Variants in GNA15 observed in about 807,000 individuals in gnomAD.
The protein encoded by GNA15 is G protein subunit alpha 15.
Under a neutral mutation model 40.1 loss-of-function variants are expected in GNA15, and 23 were observed. The observed-to-expected ratio is 0.57, with a 90% confidence interval of 0.41 to 0.81. GNA15 has a LOEUF of 0.81. GNA15 is among the 40% of genes least tolerant of loss of function. GNA15 has a pLI of 0.00. For synonymous variants in GNA15, 226 were observed against 210.4 expected (o/e 1.07, Z -0.64); for missense variants, 522 against 515.8 (o/e 1.01, Z -0.12).
chr19:3,136,398 C>A lies in GNA15; in HGVS notation c.-53C>A, dbSNP rs1013651705. ...CCGGCTGGGCTGGGGGTTGCCCTGG[C>A]CAGCAGGGGCCCGGGGGCGATGCCA... On this transcript the variant is annotated 5_prime_UTR_variant, in exon 1 of 7. Transcript: ENST00000262958. This position sits in a 1 kb window ranked among gnomAD's most constrained non-coding sequence, Gnocchi z 4.9. 2.6e-6 allele frequency: 4 copies of A among 1,528,280 alleles called. No individual in the cohort carries two copies. The highest frequency in any genetic ancestry group is 3.5e-6 in the Non-Finnish European group (4 of 1,135,676). 94.7% of individuals were successfully genotyped at this position (1,528,280 alleles called of 1,614,324 possible).
chr19:3,159,950 G>A (rs918575839), intron 6 of GNA15, among the ~76,000 whole-genome samples: 3 of 152,140 alleles, frequency 2.0e-5, no homozygotes, highest in African/African-American at 7.2e-5. Flanking sequence ...ACCAACGTGG[G>A]GAAGGTACAT....
intron 1 of GNA15, among the ~76,000 whole-genome samples, chr19:3,140,064 T>TATCTATCTATC (rs1914546061): frequency 6.6e-6 from 1 of 151,478 alleles, no homozygotes; most frequent in African/African-American, 2.4e-5. Flanking sequence ...TCTATCTATC[T>TATCTATCTATC]ATCTATCTAT....
Position 3,162,968 on chromosome 19 carries a change from C to T in GNA15, c.1074C>T (p.Asp358=), listed in dbSNP as rs376487634. ...AGAACATCCGCAAGGTCTTCAAGGACGTGCGGGACTCGGTGCTCGCCCGCT... is the reference window on the plus strand; with the variant it reads ...AGAACATCCGCAAGGTCTTCAAGGATGTGCGGGACTCGGTGCTCGCCCGCT... The part of the protein sequence containing the change: ...DTQNIRKVFK[D]VRDSVLARYL... Residue 358 remains aspartate, a synonymous_variant, in exon 7 of 7, where the codon GAC becomes GAT. Coordinates refer to ENST00000262958, the MANE Select transcript of GNA15 (RefSeq NM_002068.4). 6.2e-7 allele frequency: 1 copy of T among 1,613,954 alleles called. No homozygotes were observed. Among genetic ancestry groups the T allele is most frequent in the African/African-American group, 1.3e-5 (1 of 74,942 alleles).
chr19:3,144,099 G>A (rs893289510), intron 1 of GNA15, among the ~76,000 whole-genome samples: 1 of 149,938 alleles, frequency 6.7e-6, no homozygotes, highest in Non-Finnish European at 1.5e-5. Flanking sequence ...ACTCCAGCCT[G>A]GGCGATAGAG....
Position 3,136,655 on chromosome 19 carries a change from G to A in GNA15, c.145+60G>A. On this transcript the variant is annotated intron_variant, in intron 1 of 6. Transcript: ENST00000262958. This position sits in a 1 kb window ranked among gnomAD's most constrained non-coding sequence, Gnocchi z 4.9. ...CAGTGGGCGGTGGCCAGCCGGCAGG[G>A]GTGTCGGGGCAAGGAGGCGGATCAG... 1 of 1,474,502 alleles carries A rather than the reference G, an allele frequency of 6.8e-7. No individual in the cohort carries two copies. Among genetic ancestry groups the A allele is most frequent in the Non-Finnish European group, 9.2e-7 (1 of 1,083,848 alleles). The allele number at this position is 1,474,502 out of a possible 1,614,324, so 91.3% of individuals were successfully genotyped here.
chr19:3,143,157 TTA>T (rs1914618014), intron 1 of GNA15: 4 of 152,018 alleles, frequency 2.6e-5, no homozygotes, highest in Admixed American at 6.5e-5. Flanking sequence ...GTGACCCAAA[TTA>T]AGTCACTAAA....
chr19:3,136,648 C>T lies in GNA15; in HGVS notation c.145+53C>T, dbSNP rs564829431. The T allele has an allele frequency of 7.8e-5, 117 of 1,498,646 alleles. No individual in the cohort carries two copies. The highest frequency in any genetic ancestry group is 5.4e-4 in the South Asian group (44 of 82,058). The allele number at this position is 1,498,646 out of a possible 1,614,324, so 92.8% of individuals were successfully genotyped here. Reference sequence around the variant, plus strand: ...TGGTGGGCAGTGGGCGGTGGCCAGCCGGCAGGGGTGTCGGGGCAAGGAGGC... The same window carrying T: ...TGGTGGGCAGTGGGCGGTGGCCAGCTGGCAGGGGTGTCGGGGCAAGGAGGC... On this transcript the variant is annotated intron_variant, in intron 1 of 6. Coordinates refer to ENST00000262958, the MANE Select transcript of GNA15 (RefSeq NM_002068.4). The surrounding 1 kb of genome is among the most constrained non-coding windows in gnomAD (Gnocchi z 4.9).
Position 3,150,307 on chromosome 19 carries a change from G to A in GNA15, c.485+22G>A, listed in dbSNP as rs200036834. 1,543 of 1,531,568 alleles carry A rather than the reference G, an allele frequency of 1.0e-3. 12 individuals are homozygous for A. The African/African-American group carries it at 0.019, about 19-fold the overall frequency. The allele number at this position is 1,531,568 out of a possible 1,614,324, so 94.9% of individuals were successfully genotyped here. A position where few individuals can be genotyped will look rare whatever the true frequency, so the allele number is the denominator to read the frequency against. On this transcript the variant is annotated intron_variant, in intron 3 of 6. Transcript: ENST00000262958. ...TGTAGTGAGTCTGGGGTCTGCGGGG[G>A]ATGGGCGCGTGGGGAGGGGCTGAGG...
chr19:3,150,429 G>T, intron 3 of GNA15, 144 bp downstream of exon 3: 2 of 693,178 alleles, frequency 2.9e-6, no homozygotes, highest in South Asian at 3.9e-5. Flanking sequence ...CCTTCCAGGG[G>T]GACCCTAATT....
intron 5 of GNA15, among the ~76,000 whole-genome samples, chr19:3,156,452 GCACACGCACACACAGGCACA>G (rs1342063958): frequency 5.4e-5 from 8 of 147,158 alleles, no homozygotes; most frequent in Non-Finnish European, 1.2e-4. Context: ...GTACACACAT[GCACACGCACACACAGGCACA>G]CACACGCACA....
At chr19:3,149,137 A>G in intron 2 of GNA15, 1 of 235,086 alleles carries the variant, frequency 4.3e-6, no homozygotes, top group Non-Finnish European at 8.5e-6. Context: ...GCACACACAC[A>G]AATGCACACA....
At chr19:3,161,155 G>A (rs1915131760) in intron 6 of GNA15, among the ~76,000 whole-genome samples, 1 of 152,020 alleles carries the variant, frequency 6.6e-6, no homozygotes. Flanking sequence ...TGTTGCCCAG[G>A]CTGATCTGGA....
At chr19:3,150,104 C>T in intron 2 of GNA15, 27 bp from the exon 3 acceptor site, 1 of 1,605,176 alleles carries the variant, frequency 6.2e-7, no homozygotes. Context: ...AAAGGCTACC[C>T]TAACTGCCCC....
rs534579398 is a variant in GNA15, at chr19:3,156,943, G to A, written c.745-785G>A. Among the ~76,000 whole-genome samples, 44 of 152,182 alleles carry A rather than the reference G, an allele frequency of 2.9e-4. 2 individuals carry two copies. The South Asian group carries it at 7.5e-3, about 26-fold the overall frequency. On this transcript the variant is annotated intron_variant, in intron 5 of 6. Coordinates refer to ENST00000262958, the MANE Select transcript of GNA15 (RefSeq NM_002068.4). ...GGTTCTAGGGGGTTAGGTCTTGAAC[G>A]TATGAATTTTGGGGAAATATGATGT... is the stretch of plus-strand genomic sequence containing the variant.
chr19:3,145,828 G>A lies in GNA15; in HGVS notation c.146-2763G>A, dbSNP rs4807412. On this transcript the variant is annotated intron_variant, in intron 1 of 6. Transcript: ENST00000262958. ...CTCCCAAAGTGCGGAGATTATAGGC[G>A]TGAGCCACTGTGCCCAGCCGAGAAA... is the stretch of plus-strand genomic sequence containing the variant. Among the ~76,000 whole-genome samples, 1,580 of 151,182 alleles carry A rather than the reference G, an allele frequency of 0.01. 55 individuals are homozygous for A. In the East Asian group the frequency reaches 0.14, roughly 13 times the overall value.
chr19:3,152,219 C>T (rs1914898344), intron 4 of GNA15, among the ~76,000 whole-genome samples: 1 of 152,068 alleles, frequency 6.6e-6, no homozygotes, highest in African/African-American at 2.4e-5. Flanking sequence ...GAGGTGATCC[C>T]TGTAGTCATC....
In GNA15 at chr19:3,136,733, G is replaced by A. The variant is rs959336680; in HGVS notation, c.145+138G>A. On this transcript the variant is annotated intron_variant, in intron 1 of 6. Transcript: ENST00000262958. This position sits in a 1 kb window ranked among gnomAD's most constrained non-coding sequence, Gnocchi z 4.9. Reference sequence around the variant, plus strand: ...CCGTCGCCTCCTCCCAGGGAATGGGGAGCCTGGAACCCATTTTCCAGATGA... The same window carrying A: ...CCGTCGCCTCCTCCCAGGGAATGGGAAGCCTGGAACCCATTTTCCAGATGA... 2.5e-6 allele frequency: 2 copies of A among 785,752 alleles called. No homozygotes were observed. Among genetic ancestry groups the A allele is most frequent in the Middle Eastern group, 3.8e-4 (1 of 2,612 alleles). The allele number at this position is 785,752 out of a possible 1,614,324, so 48.7% of individuals were successfully genotyped here. A position where few individuals can be genotyped will look rare whatever the true frequency, so the allele number is the denominator to read the frequency against.
intron 2 of GNA15, 95 bp from the exon 3 acceptor site, chr19:3,150,036 G>T: frequency 9.5e-7 from 1 of 1,052,696 alleles, no homozygotes. Context: ...AAGAGAGCGT[G>T]TTTCAGGGAG....
At chr19:3,159,638 T>A (rs1415352654) in intron 6 of GNA15, among the ~76,000 whole-genome samples, 4 of 152,222 alleles carry the variant, frequency 2.6e-5, no homozygotes, top group Non-Finnish European at 5.9e-5. Context: ...CCACCACACC[T>A]GGCCTTTCTC....
Sources: gnomAD v4.1 joint callset for allele counts (sites outside exome capture counted in the v4.1 genomes callset) on GRCh38, gnomAD v4.1.1 for gene constraint, Gnocchi (gnomAD v3.1) non-coding constraint, MANE v1.5 for transcripts, NCBI Gene and HGNC (gene_info 2026-07-23, HGNC 2026-07-21) for gene names.